SV2C: variants seen among roughly 807,000 people sequenced by gnomAD.
SV2C encodes the protein solute carrier family 22 member B3.
A neutral mutation model predicts 79.7 loss-of-function variants in SV2C; 49 were observed. That is an observed-to-expected ratio of 0.61 (90% CI 0.49 to 0.78). The LOEUF is 0.78. Among genes scored for constraint, SV2C ranks in the 30% least tolerant of loss-of-function variants. The pLI is 0.00. For synonymous variants in SV2C, 334 were observed against 333.2 expected (o/e 1.00, Z -0.03); for missense variants, 833 against 912.9 (o/e 0.91, Z 1.13).
At chr5:76,338,491 A>C (rs1749369407), downstream of SV2C, among the ~76,000 whole-genome samples, 1 of 152,216 alleles carries the variant, frequency 6.6e-6, no homozygotes, top group South Asian at 2.1e-4. Context: ...GTGATGTATA[A>C]GTTGCCCCAC....
chr5:76,003,846 A>G, the SV2C span, among the ~76,000 whole-genome samples: 2 of 151,832 alleles, frequency 1.3e-5, no homozygotes, highest in African/African-American at 4.8e-5. Flanking sequence ...GGGAGAAATC[A>G]AAGCAAAAGT....
chr5:76,236,255 C>T (rs1360215347), intron 4 of SV2C, among the ~76,000 whole-genome samples: 2 of 151,530 alleles, frequency 1.3e-5, no homozygotes, highest in African/African-American at 2.4e-5. Flanking sequence ...ATCAAAGTAA[C>T]ATGTCCATAG....
At chr5:76,101,757 G>A (rs752781080) in intron 1 of SV2C, among the ~76,000 whole-genome samples, 2 of 152,042 alleles carry the variant, frequency 1.3e-5, no homozygotes, top group Non-Finnish European at 2.9e-5. Context: ...CAAAAATAGA[G>A]GTAAAATAGA....
chr5:76,336,299 G>A (rs1316578006), downstream of SV2C, among the ~76,000 whole-genome samples: 7 of 152,062 alleles, frequency 4.6e-5, no homozygotes, highest in Non-Finnish European at 8.8e-5. Flanking sequence ...AGACGGGGCG[G>A]CCGGGCAGAG....
At chr5:75,915,215 G>A in the SV2C span, among the ~76,000 whole-genome samples, 2 of 152,096 alleles carry the variant, frequency 1.3e-5, no homozygotes, top group Non-Finnish European at 2.9e-5. Flanking sequence ...GCATAGAGAG[G>A]CTATTTCCCT....
chr5:76,245,923 T>TGTGA lies in SV2C; in HGVS notation c.913+36039_913+36040insAGTG, dbSNP rs1173113466. Among the ~76,000 whole-genome samples, 3 of 144,970 alleles carry TGTGA rather than the reference T, an allele frequency of 2.1e-5. No individual in the cohort carries two copies. The East Asian group carries it at 5.9e-4, about 28-fold the overall frequency. ...ATTGAGGCAGGGGAGTGTGTGTGTG[T>TGTGA]GTGTGTGTGTGTATGTGTGTGTGTG... On this transcript the variant is annotated intron_variant, in intron 4 of 12. Transcript: ENST00000502798.
rs1375546562 is a variant in SV2C at position 76,141,959 on chromosome 5, A to T, written c.580+9629A>T. On this transcript the variant is annotated intron_variant, in intron 2 of 12. Transcript: ENST00000502798. ...TACAGACTCATAGGTTTGATTTCAG[A>T]TTATCAGTATGCAGTTGCACCCTTT... is the stretch of plus-strand genomic sequence containing the variant. 2.6e-5 allele frequency among the ~76,000 whole-genome samples: 4 copies of T among 152,238 alleles called. No homozygotes were observed. The East Asian group carries it at 5.8e-4, about 22-fold the overall frequency.
intron 12 of SV2C, among the ~76,000 whole-genome samples, chr5:76,342,684 G>T (rs1178066922): frequency 6.6e-6 from 1 of 152,148 alleles, no homozygotes; most frequent in Non-Finnish European, 1.5e-5. Context: ...AAGCTGTGTG[G>T]CCCAGGACAA....
rs563416504 is a variant in SV2C at position 76,110,269 on chromosome 5, A to C, written c.-101-21381A>C. Among the ~76,000 whole-genome samples the C allele has an allele frequency of 4.6e-5, 7 of 152,320 alleles. No homozygotes were observed. The South Asian group carries it at 1.5e-3, about 32-fold the overall frequency. Reference sequence around the variant, plus strand: ...GAGAAAGAAACAGAGGCAGCAGAAAAAAAAACTTTTACCTGAAGTCAAGGG... The same window carrying C: ...GAGAAAGAAACAGAGGCAGCAGAAACAAAAACTTTTACCTGAAGTCAAGGG... On this transcript the variant is annotated intron_variant, in intron 1 of 12. Transcript: ENST00000502798.
chr5:76,131,680 G>C lies in SV2C; in HGVS notation c.-71G>C. 3 of 1,348,222 alleles carry C rather than the reference G, an allele frequency of 2.2e-6. No homozygotes were observed. Among genetic ancestry groups the C allele is most frequent in the Non-Finnish European group, 3.1e-6 (3 of 983,016 alleles). 83.5% of individuals were successfully genotyped at this position (1,348,222 alleles called of 1,614,324 possible). A position where few individuals can be genotyped will look rare whatever the true frequency, so the allele number is the denominator to read the frequency against. On this transcript the variant is annotated 5_prime_UTR_variant, in exon 2 of 13. Coordinates refer to ENST00000502798, the MANE Select transcript of SV2C (RefSeq NM_014979.4). ...TTTTGAACCCAAAGTGGATGATGCT[G>C]TCAGAGCTGAACCACTGAAAGGAGG...
At chr5:76,033,806 G>A in the SV2C span, among the ~76,000 whole-genome samples, 1 of 151,896 alleles carries the variant, frequency 6.6e-6, no homozygotes, top group African/African-American at 2.4e-5. Flanking sequence ...TAGCTTGATG[G>A]GGATGGCATT....
chr5:76,009,156 C>T, the SV2C span, among the ~76,000 whole-genome samples: 157 of 152,082 alleles, frequency 1.0e-3, 1 homozygote, highest in African/African-American at 3.6e-3. Flanking sequence ...TAAACACATA[C>T]AAAAAAATGT....
In SV2C at chr5:76,285,536, C is replaced by G. The variant is rs556735446; in HGVS notation, c.1047+241C>G. On this transcript the variant is annotated intron_variant, in intron 5 of 12. Transcript: ENST00000502798. ...AAATAACTTGGCTCAATGAAGAAAA[C>G]ATGATTTATTGTTTTATAGCGAAAT... is the stretch of plus-strand genomic sequence containing the variant. The G allele has an allele frequency of 7.8e-6, 5 of 642,394 alleles. No individual in the cohort carries two copies. In the South Asian group the frequency reaches 1.1e-4, roughly 14 times the overall value. The allele number at this position is 642,394 out of a possible 1,614,324, so 39.8% of individuals were successfully genotyped here. A position where few individuals can be genotyped will look rare whatever the true frequency, so the allele number is the denominator to read the frequency against.
the SV2C span, among the ~76,000 whole-genome samples, chr5:75,871,562 C>T: frequency 1.3e-5 from 2 of 152,092 alleles, no homozygotes; most frequent in Non-Finnish European, 2.9e-5. Context: ...GTAATCCCAG[C>T]ACTTTGGGAG....
At chr5:76,097,401 G>A (rs569495532) in intron 1 of SV2C, among the ~76,000 whole-genome samples, 1 of 152,144 alleles carries the variant, frequency 6.6e-6, no homozygotes, top group Non-Finnish European at 1.5e-5. Flanking sequence ...TGCCACTGGT[G>A]ACAAACCTAT....
intron 2 of SV2C, among the ~76,000 whole-genome samples, chr5:76,186,957 G>A (rs1304053334): frequency 6.6e-6 from 1 of 152,152 alleles, no homozygotes; most frequent in Non-Finnish European, 1.5e-5. Flanking sequence ...ACAATTCGAG[G>A]TAAGATTTGG....
At chr5:75,972,184 A>C in the SV2C span, among the ~76,000 whole-genome samples, 1 of 152,174 alleles carries the variant, frequency 6.6e-6, no homozygotes, top group African/African-American at 2.4e-5. Flanking sequence ...TTCAAGATGG[A>C]TTAAAGATTT....
At chr5:76,038,429 A>G in the SV2C span, among the ~76,000 whole-genome samples, 1 of 152,190 alleles carries the variant, frequency 6.6e-6, no homozygotes, top group Non-Finnish European at 1.5e-5. Flanking sequence ...GCACTTTCCT[A>G]TCATATAGCC....
the SV2C span, among the ~76,000 whole-genome samples, chr5:76,026,201 A>ACAC: frequency 7.1e-6 from 1 of 140,034 alleles, no homozygotes; most frequent in Non-Finnish European, 1.5e-5. Context: ...CAAATTTACA[A>ACAC]ACACACACAC....
Sources: allele counts gnomAD v4.1 joint callset (sites outside exome capture counted in the v4.1 genomes callset), GRCh38; gene constraint gnomAD v4.1.1; transcripts MANE v1.5; gene names NCBI Gene and HGNC (gene_info 2026-07-23, HGNC 2026-07-21).